The following SLC16A7 variants were observed in gnomAD, a reference collection of about 807,000 sequenced individuals.
The protein encoded by SLC16A7 is monocarboxylate transporter 2.
Under a neutral mutation model 34.9 loss-of-function variants are expected in SLC16A7, and 33 were observed. The ratio of observed to expected loss-of-function variants is 0.94; its 90% CI spans 0.72 to 1.26. The LOEUF is 1.26. Ranked by LOEUF, SLC16A7 falls within the 50% of genes most tolerant of loss-of-function variation. The pLI is 0.00. For synonymous variants in SLC16A7, 201 were observed against 206.6 expected (o/e 0.97, Z 0.23); for missense variants, 573 against 578.1 (o/e 0.99, Z 0.09).
At chr12:59,602,778 C>A (rs1189750972) in intron 1 of SLC16A7, among the ~76,000 whole-genome samples, 2 of 152,114 alleles carry the variant, frequency 1.3e-5, no homozygotes. Context: ...AGCCACTGAG[C>A]CTGGCCAGAC....
chr12:59,769,122 G>C (rs1344018970), intron 3 of SLC16A7: 3 of 152,098 alleles, frequency 2.0e-5, no homozygotes, highest in Admixed American at 2.0e-4. Flanking sequence ...AATCACTGAA[G>C]GCTGAGATGA....
intron 2 of SLC16A7, among the ~76,000 whole-genome samples, chr12:59,689,669 C>T (rs983595053): frequency 1.3e-5 from 2 of 151,814 alleles, no homozygotes; most frequent in African/African-American, 4.8e-5. Context: ...ATGTAATCTT[C>T]CTAGAAGTAT....
At chr12:59,676,919 G>A (rs759557919) in intron 2 of SLC16A7, among the ~76,000 whole-genome samples, 3 of 152,032 alleles carry the variant, frequency 2.0e-5, no homozygotes, top group Non-Finnish European at 4.4e-5. Flanking sequence ...AATATCCAGA[G>A]GACTACCATT....
intron 2 of SLC16A7, among the ~76,000 whole-genome samples, chr12:59,662,449 A>G (rs1406453633): frequency 6.6e-6 from 1 of 152,038 alleles, no homozygotes; most frequent in Non-Finnish European, 1.5e-5. Flanking sequence ...AGAATTTTGG[A>G]AACCAGAAAT....
intron 3 of SLC16A7, among the ~76,000 whole-genome samples, chr12:59,712,973 T>G (rs900665963): frequency 6.6e-6 from 1 of 152,204 alleles, no homozygotes; most frequent in African/African-American, 2.4e-5. Context: ...CTGGTTATTC[T>G]GAAAACTTTC....
At chr12:59,660,111 C>G (rs1323679562) in intron 2 of SLC16A7, among the ~76,000 whole-genome samples, 1 of 151,800 alleles carries the variant, frequency 6.6e-6, no homozygotes, top group Non-Finnish European at 1.5e-5. Context: ...TTAAAGAGCC[C>G]TTTAAATAAT....
At chr12:59,703,302 C>T (rs80030756) in intron 2 of SLC16A7, among the ~76,000 whole-genome samples, 1,710 of 152,020 alleles carry the variant, frequency 0.011, 16 homozygotes, top group Middle Eastern at 0.018. Context: ...CTTTTTCATA[C>T]CATTTAACAA....
At chr12:59,623,583 TG>T (rs1879794221) in intron 1 of SLC16A7, among the ~76,000 whole-genome samples, 1 of 151,796 alleles carries the variant, frequency 6.6e-6, no homozygotes, top group Non-Finnish European at 1.5e-5. Context: ...CTGTATTTTG[TG>T]GCTAAATGCA....
At chr12:59,632,384 A>G (rs1880221497) in intron 1 of SLC16A7, among the ~76,000 whole-genome samples, 1 of 151,930 alleles carries the variant, frequency 6.6e-6, no homozygotes, top group Non-Finnish European at 1.5e-5. Flanking sequence ...CCTCAGCACT[A>G]TTAATATTTC....
chr12:59,667,295 G>A (rs962706804), intron 2 of SLC16A7, among the ~76,000 whole-genome samples: 1 of 152,128 alleles, frequency 6.6e-6, no homozygotes, highest in Non-Finnish European at 1.5e-5. Flanking sequence ...GGAAAATGCA[G>A]GAAAATTTGG....
rs909419903 is a variant in SLC16A7 at position 59,696,099 on chromosome 12, A to G, written c.-30-8673A>G. 7.2e-5 allele frequency among the ~76,000 whole-genome samples: 11 copies of G among 152,074 alleles called. No individual in the cohort carries two copies. In the South Asian group the frequency reaches 2.3e-3, roughly 32 times the overall value. On this transcript the variant is annotated intron_variant, in intron 2 of 5. Transcript: ENST00000547379. The stretch of plus-strand genomic sequence containing the variant: ...ATAGGTAATTATTTAAGTGACAGAT[A>G]GTGAATGCCAATAAGAATTTTCTTT...
intron 2 of SLC16A7, among the ~76,000 whole-genome samples, chr12:59,684,783 A>G (rs1486912876): frequency 6.6e-6 from 1 of 152,144 alleles, no homozygotes; most frequent in Non-Finnish European, 1.5e-5. Flanking sequence ...AATTTGAGAA[A>G]TTAAATTAGT....
chr12:59,603,190 G>A (rs1329721312), intron 1 of SLC16A7, among the ~76,000 whole-genome samples: 3 of 152,170 alleles, frequency 2.0e-5, no homozygotes. Context: ...TCATGTAATA[G>A]TCTCTTAGTG....
intron 3 of SLC16A7, among the ~76,000 whole-genome samples, chr12:59,742,052 G>C (rs1878412215): frequency 6.6e-6 from 1 of 152,158 alleles, no homozygotes; most frequent in Non-Finnish European, 1.5e-5. Context: ...GGACTTTATA[G>C]GCTGGCATCT....
chr12:59,707,552 A>G (rs1873731560), intron 3 of SLC16A7, among the ~76,000 whole-genome samples: 1 of 152,038 alleles, frequency 6.6e-6, no homozygotes, highest in Non-Finnish European at 1.5e-5. Context: ...TTAAAAGCAC[A>G]AAAGAACTCT....
chr12:59,664,932 C>T (rs778094763), intron 2 of SLC16A7: 1 of 152,148 alleles, frequency 6.6e-6, no homozygotes, highest in African/African-American at 2.4e-5. Context: ...CGCAGGTTCT[C>T]TCTCTATTCA....
intron 3 of SLC16A7, among the ~76,000 whole-genome samples, chr12:59,742,146 G>A (rs957050534): frequency 6.6e-6 from 1 of 152,156 alleles, no homozygotes; most frequent in Non-Finnish European, 1.5e-5. Flanking sequence ...GTGAGCATGA[G>A]CAGTCTGTTT....
At chr12:59,634,647 A>G (rs1430507105) in intron 1 of SLC16A7, among the ~76,000 whole-genome samples, 1 of 152,050 alleles carries the variant, frequency 6.6e-6, no homozygotes, top group Non-Finnish European at 1.5e-5. Context: ...TGCTATATCA[A>G]AGGTGTAAGG....
At chr12:59,711,096 G>T (rs907346459) in intron 3 of SLC16A7, among the ~76,000 whole-genome samples, 1 of 152,202 alleles carries the variant, frequency 6.6e-6, no homozygotes, top group African/African-American at 2.4e-5. Context: ...TTCTAAGGAA[G>T]ATTGCTAGGA....
Sources: gnomAD v4.1 joint callset for allele counts (sites outside exome capture counted in the v4.1 genomes callset) on GRCh38, gnomAD v4.1.1 for gene constraint, MANE v1.5 for transcripts, NCBI Gene and HGNC (gene_info 2026-07-23, HGNC 2026-07-21) for gene names.